The following PRSS35 variants were observed in gnomAD, a reference collection of about 807,000 sequenced individuals.
The protein encoded by PRSS35 is inactive serine protease 35.
Under a neutral mutation model 8.1 loss-of-function variants are expected in PRSS35, and 7 were observed. That is an observed-to-expected ratio of 0.86 (90% confidence interval 0.49 to 1.62). The LOEUF is 1.62. Among genes scored for constraint, PRSS35 ranks in the 40% most tolerant of loss-of-function variants. The pLI, the probability that PRSS35 is intolerant of heterozygous loss-of-function variation, is 0.00. For missense variants in PRSS35, 566 were observed against 518.0 expected (o/e 1.09, Z -0.90); for synonymous variants, 199 against 188.7 (o/e 1.05, Z -0.45).
chr6:83,518,278 T>A (rs966778660), intron 1 of PRSS35, among the ~76,000 whole-genome samples: 8 of 152,204 alleles, frequency 5.3e-5, no homozygotes, highest in Non-Finnish European at 8.8e-5. Flanking sequence ...CATCATAGGA[T>A]TCTATATACT....
Position 83,524,701 on chromosome 6 carries a change from G to A in PRSS35, c.*18G>A. The A allele has an allele frequency of 6.3e-7, 1 of 1,580,480 alleles. No individual in the cohort carries two copies. The highest frequency in any genetic ancestry group is 8.6e-7 in the Non-Finnish European group (1 of 1,165,058). ...ACGGCTAACAGAGACCTGAAACAGG[G>A]CGGTGTATCATCTAAATCACAGAGA... On this transcript the variant is annotated 3_prime_UTR_variant, in exon 2 of 2. Transcript: ENST00000369700.
At chr6:83,515,568 A>G (rs929168859) in intron 1 of PRSS35, among the ~76,000 whole-genome samples, 1 of 151,846 alleles carries the variant, frequency 6.6e-6, no homozygotes, top group African/African-American at 2.4e-5. Context: ...GTAGTGACAC[A>G]ATCACAGCTC....
chr6:83,514,177 T>C (rs967803532), intron 1 of PRSS35, among the ~76,000 whole-genome samples: 5 of 152,234 alleles, frequency 3.3e-5, no homozygotes, highest in African/African-American at 7.2e-5. Flanking sequence ...TACCTATTTA[T>C]AGATATTCTT....
At chr6:83,523,254 T>C (rs1337265366) in intron 1 of PRSS35, among the ~76,000 whole-genome samples, 168 bp from the exon 2 acceptor site, 1 of 152,156 alleles carries the variant, frequency 6.6e-6, no homozygotes, top group East Asian at 1.9e-4. Context: ...GAAGTCTGTG[T>C]GAGCCCACTT....
At position 83,523,700 on chromosome 6, in the gene PRSS35, G is replaced by A; in HGVS notation, c.259G>A (p.Val87Ile). Residue 87 changes from valine to isoleucine, a missense_variant, in exon 2 of 2, where the codon GTC (valine) becomes ATC (isoleucine). Transcript: ENST00000369700. ...ELEDYLSYET[V>I]FENGTRTLTR... The stretch of plus-strand genomic sequence containing the variant: ...GGAGGATTATCTTTCCTATGAGACT[G>A]TCTTTGAGAATGGCACCCGAACCTT... 1 of 1,614,200 alleles carries A rather than the reference G, an allele frequency of 6.2e-7. No individual in the cohort carries two copies. The highest frequency in any genetic ancestry group is 8.5e-7 in the Non-Finnish European group (1 of 1,180,050).
Position 83,523,731 on chromosome 6 carries a change from G to C in PRSS35, c.290G>C (p.Arg97Thr), listed in dbSNP as rs1318950636. 1 of 1,614,162 alleles carries C rather than the reference G, an allele frequency of 6.2e-7. No individual in the cohort carries two copies. The highest frequency in any genetic ancestry group is 1.1e-5 in the South Asian group (1 of 91,074). Residue 97 changes from arginine (R) to threonine (T), a missense_variant, in exon 2 of 2, where the codon AGG becomes ACG. By Grantham distance (71) the Arg-to-Thr change is moderately conservative. Transcript: ENST00000369700. ...VFENGTRTLT[R>T]VKVQDLVLEP... The stretch of plus-strand genomic sequence containing the variant: ...GAGAATGGCACCCGAACCTTAACCA[G>C]GGTGAAAGTTCAAGATTTGGTTCTT...
At position 83,524,631 on chromosome 6, in the gene PRSS35, C is replaced by G. The variant is rs773012344; in HGVS notation, c.1190C>G (p.Ala397Gly). Residue 397 changes from alanine (A) to glycine (G), a missense_variant, in exon 2 of 2, where the codon GCC becomes GGC. Ala to Gly is a moderately conservative substitution (Grantham distance 60). Transcript: ENST00000369700. ...VAVRITPLKYAQICLWIHGND... is the reference protein window; with the variant it reads ...VAVRITPLKYGQICLWIHGND... ...GTTCGCATCACTCCCCTAAAATACG[C>G]CCAGATTTGCCTCTGGATTCACGGG... 2 of 1,613,608 alleles carry G rather than the reference C, an allele frequency of 1.2e-6. No homozygotes were observed. Among genetic ancestry groups the G allele is most frequent in the South Asian group, 1.1e-5 (1 of 90,928 alleles).
rs746796662 is a variant in PRSS35, at chr6:83,524,139, GA to G, written c.705del (p.Lys235AsnfsTer48). Reference protein sequence around the residue: ...LRERAKGGRRRKKSGRGQRIA... With the variant: ...LRERAKGGRRXKKSGRGQRIA... ...GAGAGAGCGAAGGGTGGGAGAAGAA[GA>G]AAAAAATCTGGCCGGGGTCAGAGGA... On this transcript the variant is annotated frameshift_variant, in exon 2 of 2. Coordinates refer to ENST00000369700, the MANE Select transcript of PRSS35 (RefSeq NM_153362.3). LOFTEE classifies it low-confidence loss of function (END_TRUNC). 1.9e-6 allele frequency: 3 copies of G among 1,613,966 alleles called. No homozygotes were observed. Among genetic ancestry groups the G allele is most frequent in the African/African-American group, 1.3e-5 (1 of 74,994 alleles).
chr6:83,518,840 T>TATA (rs1208014058), intron 1 of PRSS35, among the ~76,000 whole-genome samples: 4 of 152,210 alleles, frequency 2.6e-5, no homozygotes, highest in Admixed American at 6.5e-5. Context: ...GCGTGTATCA[T>TATA]CTCATTTAAT....
intron 1 of PRSS35, among the ~76,000 whole-genome samples, chr6:83,515,827 C>CCT (rs1554169156): frequency 6.6e-6 from 1 of 151,018 alleles, no homozygotes; most frequent in Non-Finnish European, 1.5e-5. Context: ...CTTCTCTTTT[C>CCT]TTTTTTTTGA....
chr6:83,524,168 G>T lies in PRSS35; in HGVS notation c.727G>T (p.Ala243Ser). The change falls in exon 2 of 2, where the codon GCC (alanine) becomes TCC (serine). Residue 243 changes from alanine to serine, a missense_variant. Coordinates refer to ENST00000369700, the MANE Select transcript of PRSS35 (RefSeq NM_153362.3). ...RKKSGRGQRI[A>S]EGRPSFQWTR... is the part of the protein sequence containing the mutation. ...AAAATCTGGCCGGGGTCAGAGGATTGCCGAAGGGAGGCCTTCCTTTCAGTG... is the reference window on the plus strand; with the variant it reads ...AAAATCTGGCCGGGGTCAGAGGATTTCCGAAGGGAGGCCTTCCTTTCAGTG... The T allele has an allele frequency of 1.2e-6, 2 of 1,614,106 alleles. No homozygotes were observed. Among genetic ancestry groups the T allele is most frequent in the Non-Finnish European group, 1.7e-6 (2 of 1,180,014 alleles).
In PRSS35 at chr6:83,523,908, G is replaced by A. The variant is rs538240358; in HGVS notation, c.467G>A (p.Gly156Asp). 4 of 1,614,180 alleles carry A rather than the reference G, an allele frequency of 2.5e-6. No individual in the cohort carries two copies. Among genetic ancestry groups the A allele is most frequent in the South Asian group, 1.1e-5 (1 of 91,082 alleles). Residue 156 changes from glycine to aspartate, a missense_variant, in exon 2 of 2, where the codon GGC becomes GAC. Physicochemically the swap from Gly to Asp is moderately conservative, Grantham distance 94. Transcript: ENST00000369700. ...GTGAAGCTTTCCACGGGCTGTAGTGGCATTCTCATTTCCCCTCAGCATGTT... is the reference window on the plus strand; with the variant it reads ...GTGAAGCTTTCCACGGGCTGTAGTGACATTCTCATTTCCCCTCAGCATGTT... ...TAVKLSTGCS[G>D]ILISPQHVLT...
intron 1 of PRSS35, among the ~76,000 whole-genome samples, chr6:83,515,497 T>TCTTG (rs545643774): frequency 6.6e-6 from 1 of 151,200 alleles, no homozygotes; most frequent in Non-Finnish European, 1.5e-5. Context: ...TTTCTACTGT[T>TCTTG]TTTGTTTGTT....
At chr6:83,521,049 G>A (rs1481819175) in intron 1 of PRSS35, among the ~76,000 whole-genome samples, 1 of 152,084 alleles carries the variant, frequency 6.6e-6, no homozygotes, top group Admixed American at 6.6e-5. Flanking sequence ...GTCATAAAGA[G>A]CTAAATGAAA....
At chr6:83,519,608 TACC>T (rs981763530) in intron 1 of PRSS35, among the ~76,000 whole-genome samples, 8 of 152,238 alleles carry the variant, frequency 5.3e-5, no homozygotes, top group Admixed American at 1.3e-4. Flanking sequence ...ATTGACATTT[TACC>T]ACAAGACAAA....
intron 1 of PRSS35, among the ~76,000 whole-genome samples, chr6:83,515,829 T>TC (rs908933455): frequency 6.0e-4 from 90 of 151,138 alleles, no homozygotes; most frequent in South Asian, 1.5e-3. Flanking sequence ...TCTCTTTTCT[T>TC]TTTTTTGACG....
At chr6:83,519,210 A>T (rs569611305) in intron 1 of PRSS35, among the ~76,000 whole-genome samples, 1 of 152,338 alleles carries the variant, frequency 6.6e-6, no homozygotes, top group South Asian at 2.1e-4. Flanking sequence ...ACATACACAG[A>T]TATTCTTACT....
intron 1 of PRSS35, among the ~76,000 whole-genome samples, chr6:83,521,010 AT>A: frequency 6.6e-6 from 1 of 152,298 alleles, no homozygotes; most frequent in Admixed American, 6.5e-5. Context: ...TGATGTAATC[AT>A]ATATTAAGTA....
In PRSS35 at chr6:83,523,800, GAA is replaced by G; in HGVS notation, c.361_362del (p.Lys121GlufsTer34). On this transcript the variant is annotated frameshift_variant, in exon 2 of 2. Coordinates refer to ENST00000369700, the MANE Select transcript of PRSS35 (RefSeq NM_153362.3). LOFTEE classifies it low-confidence loss of function (END_TRUNC). The stretch of plus-strand genomic sequence containing the variant: ...ACCACAAAGGGAGTATCTGTTAGGA[GAA>G]AGAGACAGGTGTATGGCACCGACAG... 1.2e-6 allele frequency: 2 copies of G among 1,614,190 alleles called. No individual in the cohort carries two copies. The highest frequency in any genetic ancestry group is 1.7e-6 in the Non-Finnish European group (2 of 1,180,042).
Sources: gnomAD v4.1 joint callset for allele counts (sites outside exome capture counted in the v4.1 genomes callset) on GRCh38, gnomAD v4.1.1 for gene constraint, MANE v1.5 for transcripts, NCBI Gene and HGNC (gene_info 2026-07-23, HGNC 2026-07-21) for gene names.